The following CYP3A4 variants were observed in gnomAD, a reference collection of about 807,000 sequenced individuals.
CYP3A4 encodes cytochrome P450 3A4.
A neutral mutation model predicts 54.9 loss-of-function variants in CYP3A4; 41 were observed. That is an observed-to-expected ratio of 0.75 (90% CI 0.58 to 0.97). CYP3A4 has a LOEUF of 0.97. Ranked by LOEUF, CYP3A4 falls within the 50% of genes least tolerant of loss-of-function variation. The pLI is 0.00. For missense variants in CYP3A4, 510 were observed against 597.3 expected, an observed-to-expected ratio of 0.85 and a Z score of 1.52; for synonymous variants, 179 against 205.2, an observed-to-expected ratio of 0.87 and a Z score of 1.09.
chr7:99,762,363 A>G, intron 10 of CYP3A4, 96 bp from the exon 11 acceptor site: 1 of 1,428,078 alleles, frequency 7.0e-7, no homozygotes, highest in Non-Finnish European at 9.6e-7. Context: ...AGCTCCAGAG[A>G]CTAACTCATA....
chr7:99,768,419 G>A lies in CYP3A4; in HGVS notation c.605C>T (p.Pro202Leu), dbSNP rs893949763. Residue 202 changes from proline to leucine, a missense_variant, in exon 7 of 13, where the codon CCC becomes CTC. Coordinates refer to ENST00000651514, the MANE Select transcript of CYP3A4 (RefSeq NM_017460.6). Reference protein sequence around the residue: ...NIDSLNNPQDPFVENTKKLLR... With the variant: ...NIDSLNNPQDLFVENTKKLLR... ...AAGCTTCTTGGTGTTTTCCACAAAG[G>A]GGTCTTGTGGATTGTTGAGAGAGTC... 8 of 1,613,888 alleles carry A rather than the reference G, an allele frequency of 5.0e-6. No individual in the cohort carries two copies. Among genetic ancestry groups the A allele is most frequent in the Admixed American group, 1.7e-5 (1 of 59,986 alleles).
intron 3 of CYP3A4, among the ~76,000 whole-genome samples, chr7:99,776,590 G>C (rs1365721511): frequency 1.3e-5 from 2 of 152,136 alleles, no homozygotes; most frequent in Non-Finnish European, 2.9e-5. Flanking sequence ...ACTATCACAA[G>C]ATCAGAAAAC....
At chr7:99,780,483 A>T (rs1353837007) in intron 1 of CYP3A4, among the ~76,000 whole-genome samples, 2 of 152,046 alleles carry the variant, frequency 1.3e-5, no homozygotes, top group Non-Finnish European at 2.9e-5. Flanking sequence ...AAAGGGTGAC[A>T]TTTTTTTGTC....
intron 10 of CYP3A4, among the ~76,000 whole-genome samples, chr7:99,763,283 G>A (rs1011626423): frequency 9.9e-5 from 15 of 152,188 alleles, no homozygotes; most frequent in Non-Finnish European, 1.9e-4. Context: ...CCCAGGGACT[G>A]AAATCCTTAG....
chr7:99,766,625 T>C, intron 8 of CYP3A4, 182 bp from the exon 9 acceptor site: 1 of 736,330 alleles, frequency 1.4e-6, no homozygotes, highest in Non-Finnish European at 2.1e-6. Context: ...AAGCAGGATG[T>C]TTTCCTGAAA....
chr7:99,766,606 A>C, intron 8 of CYP3A4, 163 bp from the exon 9 acceptor site: 2 of 816,052 alleles, frequency 2.5e-6, no homozygotes, highest in Non-Finnish European at 3.8e-6. Flanking sequence ...ACCCTTCTAA[A>C]TCCTTGGAAA....
chr7:99,758,422 G>A (rs1815237391), intron 12 of CYP3A4, among the ~76,000 whole-genome samples, 194 bp from the exon 13 acceptor site: 1 of 152,094 alleles, frequency 6.6e-6, no homozygotes, highest in Non-Finnish European at 1.5e-5. Context: ...ACTACTTTCA[G>A]CACTATAAAT....
intron 10 of CYP3A4, among the ~76,000 whole-genome samples, chr7:99,763,505 T>G (rs1369060686): frequency 1.3e-5 from 2 of 152,174 alleles, no homozygotes; most frequent in African/African-American, 4.8e-5. Context: ...ACCACTATGG[T>G]GCCTGCTGCA....
chr7:99,762,603 C>A (rs563563897), intron 10 of CYP3A4, among the ~76,000 whole-genome samples: 18 of 152,034 alleles, frequency 1.2e-4, no homozygotes, highest in Admixed American at 1.0e-3. Context: ...TGTATACACA[C>A]ACTAAAAGGA....
In CYP3A4 at chr7:99,769,784, G is replaced by C. The variant is rs763047916; in HGVS notation, c.505C>G (p.Pro169Ala). ...TCTACTTACTCTTTCAAGGTGACAG[G>C]CTTGCCTGTCTCTGCTTCCCGCCTC... ...NLRREAETGK[P>A]VTLKDVFGAY... Residue 169 changes from proline to alanine, a missense_variant, in exon 6 of 13, where the codon CCT becomes GCT. Coordinates refer to ENST00000651514, the MANE Select transcript of CYP3A4 (RefSeq NM_017460.6). 3 of 1,613,922 alleles carry C rather than the reference G, an allele frequency of 1.9e-6. No individual in the cohort carries two copies. The highest frequency in any genetic ancestry group is 2.5e-6 in the Non-Finnish European group (3 of 1,179,886).
At chr7:99,773,968 AAAG>A (rs976049254) in intron 3 of CYP3A4, among the ~76,000 whole-genome samples, 16 of 152,240 alleles carry the variant, frequency 1.1e-4, no homozygotes, top group African/African-American at 3.4e-4. Context: ...AATAAAGAAA[AAAG>A]AAGAATCAAA....
chr7:99,763,244 A>G (rs1815384864), intron 10 of CYP3A4, among the ~76,000 whole-genome samples: 1 of 152,178 alleles, frequency 6.6e-6, no homozygotes, highest in African/African-American at 2.4e-5. Flanking sequence ...GGAGTTATGA[A>G]GTGGGGAGAC....
chr7:99,779,607 T>C lies in CYP3A4; in HGVS notation c.165+385A>G, dbSNP rs545444588. On this transcript the variant is annotated intron_variant, in intron 2 of 12. Transcript: ENST00000651514. ...TACAGAGAGGAAAGTTTGACTCTCA[T>C]GTACACAGATAACAAGTCACAATCA... Among the ~76,000 whole-genome samples the C allele has an allele frequency of 3.3e-4, 50 of 152,358 alleles. 1 individual carries two copies. The South Asian group carries it at 0.01, about 31-fold the overall frequency.
chr7:99,782,115 G>A (rs1253892339), intron 1 of CYP3A4, among the ~76,000 whole-genome samples: 1 of 152,138 alleles, frequency 6.6e-6, no homozygotes, highest in African/African-American at 2.4e-5. Flanking sequence ...TCCTTCCTTT[G>A]TTGTCACAGC....
chr7:99,778,008 G>C lies in CYP3A4; in HGVS notation c.218+20C>G. The C allele has an allele frequency of 6.2e-7, 1 of 1,603,312 alleles. No homozygotes were observed. The highest frequency in any genetic ancestry group is 8.5e-7 in the Non-Finnish European group (1 of 1,170,364). On this transcript the variant is annotated intron_variant, in intron 3 of 12. Transcript: ENST00000651514. Reference sequence around the variant, plus strand: ...ATCATAGAAACAAGTCTATCCAATGGAAGTTTCCAGAATACTCACCCCCAC... The same window carrying C: ...ATCATAGAAACAAGTCTATCCAATGCAAGTTTCCAGAATACTCACCCCCAC...
rs1425426689 is a variant in CYP3A4 at position 99,772,578 on chromosome 7, A to C, written c.318+12T>G. The C allele has an allele frequency of 6.2e-7, 1 of 1,611,754 alleles. No individual in the cohort carries two copies. On this transcript the variant is annotated intron_variant, in intron 4 of 12. Transcript: ENST00000651514. ...TCAATCAGTATTTTAATTTCAACAC[A>C]TGAATGCTTACCCTCCGGTTTGTGA...
chr7:99,761,262 G>A (rs1584539863), intron 11 of CYP3A4, among the ~76,000 whole-genome samples: 3 of 152,200 alleles, frequency 2.0e-5, no homozygotes, highest in Non-Finnish European at 2.9e-5. Context: ...TATATTCAGG[G>A]TGGTGATGTG....
intron 12 of CYP3A4, among the ~76,000 whole-genome samples, chr7:99,758,554 AT>A (rs1177485466): frequency 6.6e-6 from 1 of 152,212 alleles, no homozygotes; most frequent in Non-Finnish European, 1.5e-5. Flanking sequence ...AGACAAATTC[AT>A]GGAAACCTGT....
At position 99,763,600 on chromosome 7, in the gene CYP3A4, G is replaced by A. The variant is rs1044428462; in HGVS notation, c.1026+255C>T. ...TTAGATGCCACTGAGGTTTTTGGAG[G>A]TTTTTTACTTAGCATTATTGTAGTA... On this transcript the variant is annotated intron_variant, in intron 10 of 12. Coordinates refer to ENST00000651514, the MANE Select transcript of CYP3A4 (RefSeq NM_017460.6). Among the ~76,000 whole-genome samples, 176 of 152,270 alleles carry A rather than the reference G, an allele frequency of 1.2e-3. 1 individual carries two copies. Among genetic ancestry groups the A allele is most frequent in the African/African-American group, 4.0e-3 (167 of 41,568 alleles).
Sources: allele counts gnomAD v4.1 joint callset (sites outside exome capture counted in the v4.1 genomes callset), GRCh38; gene constraint gnomAD v4.1.1; transcripts MANE v1.5; gene names NCBI Gene and HGNC (gene_info 2026-07-23, HGNC 2026-07-21).